Variants in WRN observed in about 807,000 individuals in gnomAD.
The protein encoded by WRN is bifunctional 3'-5' exonuclease/ATP-dependent helicase WRN.
A neutral mutation model predicts 180.7 loss-of-function variants in WRN; 149 were observed. The ratio of observed to expected loss-of-function variants is 0.82; its 90% CI spans 0.72 to 0.94. WRN has a LOEUF of 0.94. Among genes scored for constraint, WRN ranks in the 40% least tolerant of loss-of-function variants. The pLI, the probability that WRN is intolerant of heterozygous loss-of-function variation, is 0.00. For synonymous variants in WRN, 548 were observed against 568.9 expected (o/e 0.96, Z 0.52); for missense variants, 1,661 against 1,700.1 (o/e 0.98, Z 0.40).
chr8:31,167,412 A>T lies in WRN; in HGVS notation c.4191+182A>T, dbSNP rs117133984. ...GAAAAGTGATTAAAAAAAAGACAGTAAAAGGGAGGTTTAGTCCATCTGTTT... is the reference window on the plus strand; with the variant it reads ...GAAAAGTGATTAAAAAAAAGACAGTTAAAGGGAGGTTTAGTCCATCTGTTT... On this transcript the variant is annotated intron_variant, in intron 34 of 34. Coordinates refer to ENST00000298139, the MANE Select transcript of WRN (RefSeq NM_000553.6). 5.0e-3 allele frequency among the ~76,000 whole-genome samples: 761 copies of T among 152,208 alleles called. 8 individuals are homozygous for T. Among genetic ancestry groups the T allele is most frequent in the Non-Finnish European group, 7.5e-3 (507 of 67,970 alleles).
chr8:31,087,495 A>G (rs1322341794), intron 11 of WRN: 9 of 328,730 alleles, frequency 2.7e-5, no homozygotes, highest in Non-Finnish European at 4.6e-5. Context: ...AAATTATCCA[A>G]ATTTAAAATT....
chr8:31,101,645 G>A (rs916098168), intron 18 of WRN, among the ~76,000 whole-genome samples: 6 of 151,836 alleles, frequency 4.0e-5, no homozygotes, highest in African/African-American at 1.2e-4. Flanking sequence ...CAATTAGCTG[G>A]GCGTGGTGGC....
At chr8:31,112,993 G>A (rs1419130308) in intron 19 of WRN, among the ~76,000 whole-genome samples, 1 of 151,680 alleles carries the variant, frequency 6.6e-6, no homozygotes, top group African/African-American at 2.4e-5. Flanking sequence ...ATCACTTGAG[G>A]CCAGGAGTTC....
At chr8:31,052,432 G>A (rs542514499) in intron 1 of WRN, among the ~76,000 whole-genome samples, 2 of 152,036 alleles carry the variant, frequency 1.3e-5, no homozygotes, top group Non-Finnish European at 2.9e-5. Context: ...CTGTTGCCCA[G>A]GGTGGAGTGC....
intron 31 of WRN, among the ~76,000 whole-genome samples, chr8:31,152,011 C>G (rs899293965): frequency 6.6e-6 from 1 of 151,590 alleles, no homozygotes; most frequent in Non-Finnish European, 1.5e-5. Context: ...GAAAAATATG[C>G]TAAAATATTT....
chr8:31,046,490 C>CA (rs1397029024), intron 1 of WRN, among the ~76,000 whole-genome samples: 3 of 151,760 alleles, frequency 2.0e-5, no homozygotes, highest in Admixed American at 6.6e-5. Flanking sequence ...TCATGTTCTC[C>CA]AAAAAAAGGA....
chr8:31,088,770 CATT>C, intron 12 of WRN, 117 bp from the exon 13 acceptor site: 1 of 828,486 alleles, frequency 1.2e-6, no homozygotes, highest in East Asian at 2.7e-5. Flanking sequence ...AAATAGAAAA[CATT>C]AACCCATGGT....
At chr8:31,049,757 T>C (rs1812016730) in intron 1 of WRN, among the ~76,000 whole-genome samples, 1 of 152,074 alleles carries the variant, frequency 6.6e-6, no homozygotes, top group Non-Finnish European at 1.5e-5. Flanking sequence ...CTGACCTCTC[T>C]AAGGGGATCC....
intron 34 of WRN, 87 bp downstream of exon 34, chr8:31,167,317 G>A: frequency 8.8e-7 from 1 of 1,134,300 alleles, no homozygotes; most frequent in Non-Finnish European, 1.3e-6. Context: ...TTTTTGAACT[G>A]TTATGAATTC....
chr8:31,128,550 A>G (rs1316840452), intron 23 of WRN, among the ~76,000 whole-genome samples: 1 of 152,158 alleles, frequency 6.6e-6, no homozygotes, highest in Non-Finnish European at 1.5e-5. Context: ...TCAAACATAC[A>G]TGGAATATTT....
chr8:31,074,344 C>T (rs371761327), intron 7 of WRN, among the ~76,000 whole-genome samples: 16 of 152,038 alleles, frequency 1.1e-4, no homozygotes, highest in African/African-American at 3.9e-4. Flanking sequence ...ACAACTCTTT[C>T]AAGGAATTTC....
At chr8:31,065,739 T>A (rs1334884148) in intron 5 of WRN, among the ~76,000 whole-genome samples, 1 of 152,220 alleles carries the variant, frequency 6.6e-6, no homozygotes, top group African/African-American at 2.4e-5. Flanking sequence ...TGATTTATAT[T>A]CCTTTTGGTA....
rs983277607 is a variant in WRN at position 31,175,544 on chromosome 8, T to C, written c.*2442T>C. ...CAGAGTATGAAAAAGTTTATTGATATAGTTTCAGATTACACACTGCAACTA... is the reference window on the plus strand; with the variant it reads ...CAGAGTATGAAAAAGTTTATTGATACAGTTTCAGATTACACACTGCAACTA... On this transcript the variant is annotated 3_prime_UTR_variant, in exon 35 of 35. Transcript: ENST00000298139. 5.9e-5 allele frequency among the ~76,000 whole-genome samples: 9 copies of C among 152,264 alleles called. No individual in the cohort carries two copies. The highest frequency in any genetic ancestry group is 1.3e-4 in the Non-Finnish European group (9 of 68,044).
chr8:31,088,955 A>C lies in WRN; in HGVS notation c.1642A>C (p.Ser548Arg). The change falls in exon 13 of 35, where the codon AGT (serine) becomes CGT (arginine). Residue 548 changes from serine (S) to arginine (R), a missense_variant. Coordinates refer to ENST00000298139, the MANE Select transcript of WRN (RefSeq NM_000553.6). The stretch of plus-strand genomic sequence containing the variant: ...CCTCAAGATGTACTTTGGCCATTCC[A>C]GTTTTAAACCGTGAGTATAATCTCA... ...TCLKMYFGHS[S>R]FKPVQWKVIH... 1 of 1,610,562 alleles carries C rather than the reference A, an allele frequency of 6.2e-7. No individual in the cohort carries two copies. The highest frequency in any genetic ancestry group is 1.1e-5 in the South Asian group (1 of 90,564).
At chr8:31,092,534 T>C (rs1273809836) in intron 16 of WRN, among the ~76,000 whole-genome samples, 1 of 151,846 alleles carries the variant, frequency 6.6e-6, no homozygotes, top group Non-Finnish European at 1.5e-5. Flanking sequence ...TATATGCATA[T>C]ATATGCATGT....
chr8:31,058,105 G>T (rs1812342883), intron 1 of WRN, among the ~76,000 whole-genome samples: 1 of 152,148 alleles, frequency 6.6e-6, no homozygotes. Context: ...GATTTTCATT[G>T]ATAGTGAGGT....
At chr8:31,040,439 A>G (rs1333691042) in intron 1 of WRN, among the ~76,000 whole-genome samples, 12 of 152,164 alleles carry the variant, frequency 7.9e-5, no homozygotes, top group Non-Finnish European at 2.9e-5. Flanking sequence ...GAATGCTGTG[A>G]TGTTTAGAGA....
chr8:31,166,515 T>C (rs1345472791), intron 33 of WRN, among the ~76,000 whole-genome samples: 2 of 152,146 alleles, frequency 1.3e-5, no homozygotes, highest in Non-Finnish European at 2.9e-5. Flanking sequence ...ATCATTGATG[T>C]CTCTTGTTAT....
intron 21 of WRN, among the ~76,000 whole-genome samples, chr8:31,123,757 A>G (rs1801813617): frequency 6.6e-6 from 1 of 152,160 alleles, no homozygotes; most frequent in African/African-American, 2.4e-5. Flanking sequence ...TTGTTCTTGT[A>G]AAGATATGCA....
Sources: allele counts gnomAD v4.1 joint callset (sites outside exome capture counted in the v4.1 genomes callset), GRCh38; gene constraint gnomAD v4.1.1; transcripts MANE v1.5; gene names NCBI Gene and HGNC (gene_info 2026-07-23, HGNC 2026-07-21).